The following PDZD9 variants were observed in gnomAD, a reference collection of about 807,000 sequenced individuals.
The protein encoded by PDZD9 is PDZ domain containing 9, also known as PDZ domain-containing protein 9.
PDZD9 carries 13 observed loss-of-function variants against 16.3 expected under a neutral mutation model. That is an observed-to-expected ratio of 0.80 (90% CI 0.52 to 1.27). The LOEUF is 1.27. Ranked by LOEUF, PDZD9 falls within the 50% of genes most tolerant of loss-of-function variation. The pLI, the probability that PDZD9 is intolerant of heterozygous loss-of-function variation, is 0.00. For synonymous variants in PDZD9, 120 were observed against 111.0 expected (o/e 1.08, Z -0.51); for missense variants, 288 against 310.9 (o/e 0.93, Z 0.55).
At chr16:21,961,998 A>G in the PDZD9 span, among the ~76,000 whole-genome samples, 2 of 152,084 alleles carry the variant, frequency 1.3e-5, no homozygotes, top group Non-Finnish European at 2.9e-5. Flanking sequence ...GCATTCAGCA[A>G]CCATCACCAA....
At chr16:21,973,244 A>C in the PDZD9 span, among the ~76,000 whole-genome samples, 1 of 152,228 alleles carries the variant, frequency 6.6e-6, no homozygotes, top group Non-Finnish European at 1.5e-5. Flanking sequence ...GGCTGCATCC[A>C]CAGGGACCTG....
chr16:21,991,462 C>T (rs1472012901), intron 2 of PDZD9, among the ~76,000 whole-genome samples: 1 of 152,134 alleles, frequency 6.6e-6, no homozygotes, highest in East Asian at 1.9e-4. Context: ...TGGTCTCGAA[C>T]TCCTGAGCTC....
chr16:21,992,980 C>T (rs1388842794), intron 2 of PDZD9, among the ~76,000 whole-genome samples: 2 of 152,040 alleles, frequency 1.3e-5, no homozygotes. Flanking sequence ...TGTTTGACAG[C>T]TCCTCCTTCA....
chr16:21,968,052 A>G, the PDZD9 span, among the ~76,000 whole-genome samples: 1 of 144,166 alleles, frequency 6.9e-6, no homozygotes, highest in Non-Finnish European at 1.5e-5. Flanking sequence ...CCCAGGCCAG[A>G]GTGCAATGAC....
the PDZD9 span, chr16:21,971,873 A>G: frequency 0.017 from 26,814 of 1,607,872 alleles, 286 homozygotes; most frequent in Non-Finnish European, 0.019. Context: ...AATGAAACCA[A>G]TGGTGAACAA....
chr16:21,968,109 C>G, the PDZD9 span, among the ~76,000 whole-genome samples: 1 of 149,174 alleles, frequency 6.7e-6, no homozygotes, highest in Non-Finnish European at 1.5e-5. Flanking sequence ...TCAAACAATT[C>G]TCGTGCCTCA....
chr16:21,965,367 G>T, the PDZD9 span: 1 of 1,588,998 alleles, frequency 6.3e-7, no homozygotes, highest in South Asian at 1.1e-5. Context: ...TGTCTTTACT[G>T]AAAGTGCATT....
chr16:21,998,218 A>G (rs1180429573), intron 1 of PDZD9: 1 of 154,756 alleles, frequency 6.5e-6, no homozygotes, highest in East Asian at 1.8e-4. Flanking sequence ...TGTAAATTCA[A>G]TATGCTTATA....
At position 21,984,410 on chromosome 16, in the gene PDZD9, C is replaced by T; in HGVS notation, c.652G>A (p.Ala218Thr). The T allele has an allele frequency of 6.2e-7, 1 of 1,614,068 alleles. No individual in the cohort carries two copies. The highest frequency in any genetic ancestry group is 1.1e-5 in the South Asian group (1 of 91,078). The change falls in exon 4 of 4, where the codon GCC becomes ACC. Residue 218 changes from alanine (A) to threonine (T), a missense_variant. Ala to Thr is a moderately conservative substitution (Grantham distance 58, BLOSUM62 0). Coordinates refer to ENST00000424898, the MANE Select transcript of PDZD9 (RefSeq NM_001363519.1). ...ACCATTATCCAGTATGGAGAAGGGG[C>T]CCTCACTTCTTTCTTGTCGTCTCTG... ...IHRDDKKEVR[A>T]PSPYWIMVKQ...
rs1313486152 is a variant in PDZD9, at chr16:22,001,084, G to A, written c.-37C>T. 2.0e-6 allele frequency: 3 copies of A among 1,506,876 alleles called. No homozygotes were observed. Among genetic ancestry groups the A allele is most frequent in the Non-Finnish European group, 2.6e-6 (3 of 1,132,608 alleles). The allele number at this position is 1,506,876 out of a possible 1,614,324, so 93.3% of individuals were successfully genotyped here. ...GTCAGGCAGCCCGGGAGGGCCTCCC[G>A]GAGCAGAGGCTGGAGTCAGTCCCAA... On this transcript the variant is annotated 5_prime_UTR_variant, in exon 1 of 4. Transcript: ENST00000424898.
chr16:21,991,240 T>A (rs1247729821), intron 2 of PDZD9, among the ~76,000 whole-genome samples: 6 of 151,932 alleles, frequency 3.9e-5, no homozygotes, highest in Admixed American at 2.0e-4. Flanking sequence ...AATTTCTTTT[T>A]TTTTTTTTCT....
chr16:21,958,327 C>T, the PDZD9 span, among the ~76,000 whole-genome samples: 1 of 152,148 alleles, frequency 6.6e-6, no homozygotes, highest in Non-Finnish European at 1.5e-5. Context: ...TTGTATTTGA[C>T]AGTGGAAATT....
At chr16:21,967,800 T>C in the PDZD9 span, among the ~76,000 whole-genome samples, 1 of 152,198 alleles carries the variant, frequency 6.6e-6, no homozygotes, top group Non-Finnish European at 1.5e-5. Context: ...AAAAGCTTTA[T>C]AGAGATTGGC....
chr16:22,000,007 C>G (rs1335465279), intron 1 of PDZD9, among the ~76,000 whole-genome samples: 1 of 151,908 alleles, frequency 6.6e-6, no homozygotes, highest in African/African-American at 2.4e-5. Flanking sequence ...TGCCGCTGCA[C>G]TCTAGCCTGG....
chr16:21,983,942 A>C lies in PDZD9; in HGVS notation c.*325T>G, dbSNP rs1898801442. On this transcript the variant is annotated 3_prime_UTR_variant, in exon 4 of 4. Coordinates refer to ENST00000424898, the MANE Select transcript of PDZD9 (RefSeq NM_001363519.1). ...AGAGAAACTAAATATTTAAAGAAAAATGTAGTGTTTACATAAAGTGACATT... is the reference window on the plus strand; with the variant it reads ...AGAGAAACTAAATATTTAAAGAAAACTGTAGTGTTTACATAAAGTGACATT... 5.4e-6 allele frequency: 1 copy of C among 183,720 alleles called. No homozygotes were observed. The highest frequency in any genetic ancestry group is 2.3e-5 in the African/African-American group (1 of 42,774). The allele number at this position is 183,720 out of a possible 1,614,324, so 11.4% of individuals were successfully genotyped here.
intron 1 of PDZD9, chr16:21,999,401 A>G (rs576076064): frequency 1.4e-4 from 24 of 172,102 alleles, no homozygotes; most frequent in South Asian, 9.0e-4. Flanking sequence ...AGGCAGCACT[A>G]TGGTCCTCGG....
downstream of PDZD9, among the ~76,000 whole-genome samples, chr16:21,982,513 A>G (rs976037075): frequency 6.6e-6 from 1 of 152,078 alleles, no homozygotes; most frequent in African/African-American, 2.4e-5. Flanking sequence ...TTGAACAGCT[A>G]CCCTCTTACC....
At chr16:21,961,754 C>T in the PDZD9 span, among the ~76,000 whole-genome samples, 2 of 147,498 alleles carry the variant, frequency 1.4e-5, no homozygotes, top group Admixed American at 6.9e-5. Flanking sequence ...TGGGTTCAAG[C>T]GATTCTCCTG....
intron 3 of PDZD9, among the ~76,000 whole-genome samples, chr16:21,985,302 T>TTTTA (rs1177370970): frequency 6.6e-6 from 1 of 151,958 alleles, no homozygotes; most frequent in Admixed American, 6.6e-5. Flanking sequence ...TTTTATTTAT[T>TTTTA]TTTATTTATT....
Sources: allele counts gnomAD v4.1 joint callset (sites outside exome capture counted in the v4.1 genomes callset), GRCh38; gene constraint gnomAD v4.1.1; transcripts MANE v1.5; gene names NCBI Gene and HGNC (gene_info 2026-07-23, HGNC 2026-07-21).